The following PDLIM4 variants were observed in gnomAD, a reference collection of about 807,000 sequenced individuals.
PDLIM4 encodes PDZ and LIM domain protein 4.
A neutral mutation model predicts 31.3 loss-of-function variants in PDLIM4; 19 were observed. The observed-to-expected ratio is 0.61, with a 90% CI of 0.42 to 0.89. The LOEUF (loss-of-function observed/expected upper bound fraction) is 0.89, where lower values mean the gene tolerates loss of function less well. Among genes scored for constraint, PDLIM4 ranks in the 40% least tolerant of loss-of-function variants. The pLI is 0.00. For missense variants in PDLIM4, 442 were observed against 461.1 expected (o/e 0.96, Z 0.38); for synonymous variants, 176 against 190.1 (o/e 0.93, Z 0.61).
chr5:132,259,623 G>A (rs1348040621), intron 1 of PDLIM4, among the ~76,000 whole-genome samples: 1 of 152,200 alleles, frequency 6.6e-6, no homozygotes, highest in Non-Finnish European at 1.5e-5. Flanking sequence ...TCTGGGGCAG[G>A]TCTACAGGGA....
At chr5:132,259,364 T>TC (rs1756324374) in intron 1 of PDLIM4, among the ~76,000 whole-genome samples, 1 of 151,916 alleles carries the variant, frequency 6.6e-6, no homozygotes, top group Non-Finnish European at 1.5e-5. Context: ...AGGAAAGGCC[T>TC]CCACACGTCA....
At chr5:132,259,611 C>T (rs1215508452) in intron 1 of PDLIM4, among the ~76,000 whole-genome samples, 2 of 152,196 alleles carry the variant, frequency 1.3e-5, no homozygotes, top group Admixed American at 1.3e-4. Context: ...CTAGCAGGTA[C>T]CTCTGGGGCA....
intron 2 of PDLIM4, among the ~76,000 whole-genome samples, chr5:132,265,259 C>T (rs1756465505): frequency 6.6e-6 from 1 of 152,212 alleles, no homozygotes. Context: ...TTGTGCCCTT[C>T]GACCTTAGAC....
chr5:132,264,522 G>A (rs1756447627), intron 2 of PDLIM4, among the ~76,000 whole-genome samples: 1 of 152,142 alleles, frequency 6.6e-6, no homozygotes, highest in African/African-American at 2.4e-5. Context: ...CTTGCGCTCT[G>A]GACATTGAGT....
Position 132,268,337 on chromosome 5 carries a change from A to AC in PDLIM4, c.327+1795dup, listed in dbSNP as rs554311570. ...GGCCCATTGTCCCCATGCTGCTCCC[A>AC]CCCTCTGCCTGAGTGGGGGTGTTGG... On this transcript the variant is annotated intron_variant, in intron 3 of 6. Coordinates refer to ENST00000253754, the MANE Select transcript of PDLIM4 (RefSeq NM_003687.4). Among the ~76,000 whole-genome samples the AC allele has an allele frequency of 4.4e-3, 669 of 151,776 alleles. 1 individual carries two copies. Among genetic ancestry groups the AC allele is most frequent in the Non-Finnish European group, 7.2e-3 (492 of 67,902 alleles).
Position 132,257,848 on chromosome 5 carries a change from G to A in PDLIM4, c.93+21G>A. Reference sequence around the variant, plus strand: ...CACGGGTGAGTCTGGCGGCTGCGTGGCGGCAGGGCGGTCCCATGTCTGAGA... The same window carrying A: ...CACGGGTGAGTCTGGCGGCTGCGTGACGGCAGGGCGGTCCCATGTCTGAGA... On this transcript the variant is annotated intron_variant, in intron 1 of 6. Transcript: ENST00000253754. The surrounding 1 kb of genome is among the most constrained non-coding windows in gnomAD (Gnocchi z 4.3). The A allele has an allele frequency of 7.3e-7, 1 of 1,373,196 alleles. No homozygotes were observed. Among genetic ancestry groups the A allele is most frequent in the Non-Finnish European group, 9.7e-7 (1 of 1,032,916 alleles). The allele number at this position is 1,373,196 out of a possible 1,614,324, so 85.1% of individuals were successfully genotyped here. A position where few individuals can be genotyped will look rare whatever the true frequency, so the allele number is the denominator to read the frequency against.
chr5:132,264,982 C>T (rs1040145441), intron 2 of PDLIM4, among the ~76,000 whole-genome samples: 1 of 152,100 alleles, frequency 6.6e-6, no homozygotes, highest in African/African-American at 2.4e-5. Flanking sequence ...TTGCTTTGAG[C>T]CCAAAGCCAG....
chr5:132,259,462 G>A (rs1002614389), intron 1 of PDLIM4, among the ~76,000 whole-genome samples: 7 of 152,160 alleles, frequency 4.6e-5, no homozygotes, highest in Non-Finnish European at 5.9e-5. Context: ...CTGGGAGAAG[G>A]TTTGCCAGGA....
intron 1 of PDLIM4, among the ~76,000 whole-genome samples, chr5:132,260,571 G>T (rs1012816400): frequency 3.3e-5 from 5 of 152,192 alleles, no homozygotes; most frequent in African/African-American, 1.2e-4. Flanking sequence ...TGGTCCTTCT[G>T]CCTGGAACAC....
At chr5:132,265,429 GC>G (rs1756470549) in intron 2 of PDLIM4, among the ~76,000 whole-genome samples, 1 of 152,210 alleles carries the variant, frequency 6.6e-6, no homozygotes, top group South Asian at 2.1e-4. Flanking sequence ...GGTTGAGGGG[GC>G]TAGAGACAGG....
At position 132,272,034 on chromosome 5, in the gene PDLIM4, C is replaced by A. The variant is rs376699492; in HGVS notation, c.798C>A (p.Ile266=). Residue 266 remains isoleucine (I), a synonymous_variant, in exon 7 of 7, where the codon ATC becomes ATA. Transcript: ENST00000253754. Reference sequence around the variant, plus strand: ...TCGTTCCCCCCATCAGGGGCACCATCGTCAAGGCACGGGACAAGCTCTACC... The same window carrying A: ...TCGTTCCCCCCATCAGGGGCACCATAGTCAAGGCACGGGACAAGCTCTACC... ...TRCGHGIVGT[I]VKARDKLYHP... 1.2e-6 allele frequency: 2 copies of A among 1,614,132 alleles called. No homozygotes were observed. The highest frequency in any genetic ancestry group is 1.7e-6 in the Non-Finnish European group (2 of 1,179,928).
rs563957895 is a variant in PDLIM4 at position 132,266,757 on chromosome 5, G to A, written c.327+212G>A. The A allele has an allele frequency of 1.1e-5, 5 of 434,840 alleles. No homozygotes were observed. The South Asian group carries it at 1.5e-4, about 13-fold the overall frequency. 26.9% of individuals were successfully genotyped at this position (434,840 alleles called of 1,614,324 possible). A position where few individuals can be genotyped will look rare whatever the true frequency, so the allele number is the denominator to read the frequency against. On this transcript the variant is annotated intron_variant, in intron 3 of 6. Transcript: ENST00000253754. ...CTGGTGTGGGCTCTGTCTCTACTCC[G>A]GGCAATCCTGGATTCTGGACCAAGG...
At chr5:132,271,175 AC>A in intron 4 of PDLIM4, 82 bp downstream of exon 4, 1 of 1,505,538 alleles carries the variant, frequency 6.6e-7, no homozygotes, top group Non-Finnish European at 9.1e-7. Context: ...TCCCACTCTG[AC>A]CCCTGACACT....
At chr5:132,266,623 C>A in intron 3 of PDLIM4, 78 bp downstream of exon 3, 1 of 897,914 alleles carries the variant, frequency 1.1e-6, no homozygotes, top group Non-Finnish European at 1.7e-6. Flanking sequence ...GGTTCACCTG[C>A]ACTGAATGTC....
intron 2 of PDLIM4, 25 bp downstream of exon 2, chr5:132,262,785 GA>G: frequency 6.3e-7 from 1 of 1,594,724 alleles, no homozygotes; most frequent in Non-Finnish European, 8.6e-7. Flanking sequence ...GCTGGGCTGG[GA>G]GGATGGAAGG....
Position 132,257,872 on chromosome 5 carries a change from G to A in PDLIM4, c.93+45G>A. On this transcript the variant is annotated intron_variant, in intron 1 of 6. Coordinates refer to ENST00000253754, the MANE Select transcript of PDLIM4 (RefSeq NM_003687.4). This position sits in a 1 kb window ranked among gnomAD's most constrained non-coding sequence, Gnocchi z 4.3. Reference sequence around the variant, plus strand: ...GGCGGCAGGGCGGTCCCATGTCTGAGACCGGGTTCTCGCGGTCCGCCCGGG... The same window carrying A: ...GGCGGCAGGGCGGTCCCATGTCTGAAACCGGGTTCTCGCGGTCCGCCCGGG... The A allele has an allele frequency of 8.5e-7, 1 of 1,175,210 alleles. No homozygotes were observed. The highest frequency in any genetic ancestry group is 1.2e-6 in the Non-Finnish European group (1 of 867,976). The allele number at this position is 1,175,210 out of a possible 1,614,324, so 72.8% of individuals were successfully genotyped here. A position where few individuals can be genotyped will look rare whatever the true frequency, so the allele number is the denominator to read the frequency against.
intron 1 of PDLIM4, among the ~76,000 whole-genome samples, chr5:132,262,238 CTG>C (rs1756389985): frequency 6.6e-6 from 1 of 152,120 alleles, no homozygotes. Context: ...TGTAGGGTAT[CTG>C]TGATATGTCC....
chr5:132,268,065 G>A (rs578120391), intron 3 of PDLIM4, among the ~76,000 whole-genome samples: 1 of 152,146 alleles, frequency 6.6e-6, no homozygotes, highest in Non-Finnish European at 1.5e-5. Context: ...CTCAGGGCCG[G>A]TGGGCCTGGG....
At chr5:132,262,890 A>G in intron 2 of PDLIM4, 130 bp downstream of exon 2, 3 of 721,472 alleles carry the variant, frequency 4.2e-6, no homozygotes, top group Non-Finnish European at 2.3e-6. Flanking sequence ...ATCCAGGAAC[A>G]GTCCCAAGGA....
Sources: gnomAD v4.1 joint callset for allele counts (sites outside exome capture counted in the v4.1 genomes callset) on GRCh38, gnomAD v4.1.1 for gene constraint, Gnocchi (gnomAD v3.1) non-coding constraint, MANE v1.5 for transcripts, NCBI Gene and HGNC (gene_info 2026-07-23, HGNC 2026-07-21) for gene names.